The following PCCB variants were observed in gnomAD, a reference collection of about 807,000 sequenced individuals.
PCCB encodes propionyl-CoA carboxylase subunit beta, also known as propionyl-CoA carboxylase beta chain, mitochondrial.
A neutral mutation model predicts 60.7 loss-of-function variants in PCCB; 43 were observed. The ratio of observed to expected loss-of-function variants is 0.71; its 90% CI spans 0.55 to 0.91. The LOEUF is 0.91. Ranked by LOEUF, PCCB falls within the 40% of genes least tolerant of loss-of-function variation. The pLI, the probability that PCCB is intolerant of heterozygous loss-of-function variation, is 0.00. For missense variants in PCCB, 766 were observed against 702.8 expected (o/e 1.09, Z -1.02); for synonymous variants, 276 against 255.9 (o/e 1.08, Z -0.75).
chr3:136,287,466 C>CT (rs1414224051), intron 6 of PCCB, among the ~76,000 whole-genome samples: 1 of 151,464 alleles, frequency 6.6e-6, no homozygotes, highest in Non-Finnish European at 1.5e-5. Flanking sequence ...GAGTTTTGCT[C>CT]TGTCACCCAG....
At chr3:136,253,701 T>C (rs1941590806) in intron 1 of PCCB, among the ~76,000 whole-genome samples, 1 of 150,314 alleles carries the variant, frequency 6.7e-6, no homozygotes, top group African/African-American at 2.5e-5. Flanking sequence ...GACAGGGTCT[T>C]ACTCTGTCAC....
At chr3:136,280,296 A>G (rs865923118) in intron 5 of PCCB, among the ~76,000 whole-genome samples, 25 of 152,220 alleles carry the variant, frequency 1.6e-4, no homozygotes, top group Admixed American at 3.9e-4. Context: ...TTCTTGAAGG[A>G]TAGTTTTGCT....
At chr3:136,298,107 G>T (rs1934019745) in intron 8 of PCCB, 35 bp downstream of exon 8, 1 of 1,613,554 alleles carries the variant, frequency 6.2e-7, no homozygotes, top group Non-Finnish European at 8.5e-7. Flanking sequence ...CTCTCATTTT[G>T]CAGTGTAGCT....
At chr3:136,320,361 T>C (rs180987496) in intron 10 of PCCB, among the ~76,000 whole-genome samples, 78 of 152,346 alleles carry the variant, frequency 5.1e-4, no homozygotes, top group African/African-American at 1.8e-3. Context: ...TCTTTTTTTA[T>C]TTCTTTCAGC....
intron 9 of PCCB, among the ~76,000 whole-genome samples, chr3:136,302,092 C>CCT (rs1426351071): frequency 2.0e-5 from 3 of 152,198 alleles, no homozygotes; most frequent in African/African-American, 7.2e-5. Flanking sequence ...TCTCTTTGCA[C>CCT]CTCTGTGATC....
chr3:136,268,094 A>ATATATATATCTATATG (rs1942071147), intron 5 of PCCB, among the ~76,000 whole-genome samples: 2 of 64,324 alleles, frequency 3.1e-5, no homozygotes, highest in Non-Finnish European at 6.1e-5. Flanking sequence ...GTAGATATAT[A>ATATATATATCTATATG]TATATATATA....
At chr3:136,258,831 G>A (rs1456180133) in intron 3 of PCCB, among the ~76,000 whole-genome samples, 1 of 152,102 alleles carries the variant, frequency 6.6e-6, no homozygotes, top group Non-Finnish European at 1.5e-5. Context: ...GTTAGTCTCT[G>A]TTTTCAGCCT....
At chr3:136,256,142 C>T (rs1252875165) in intron 2 of PCCB, 167 bp downstream of exon 2, 2 of 981,760 alleles carry the variant, frequency 2.0e-6, no homozygotes, top group Admixed American at 2.3e-5. Context: ...GGGCTTTCGC[C>T]ATGTTGGTCA....
At chr3:136,266,681 C>A (rs1296846649) in intron 5 of PCCB, among the ~76,000 whole-genome samples, 1 of 152,154 alleles carries the variant, frequency 6.6e-6, no homozygotes, top group Non-Finnish European at 1.5e-5. Flanking sequence ...TGTTGAGCAT[C>A]TTTATGTACA....
chr3:136,290,496 A>C (rs1228743965), intron 6 of PCCB, among the ~76,000 whole-genome samples: 1 of 151,732 alleles, frequency 6.6e-6, no homozygotes, highest in Non-Finnish European at 1.5e-5. Context: ...ATAATGTCCT[A>C]AGTGTAGTTT....
chr3:136,309,680 G>A (rs1934586085), intron 9 of PCCB, among the ~76,000 whole-genome samples: 1 of 151,932 alleles, frequency 6.6e-6, no homozygotes, highest in African/African-American at 2.4e-5. Context: ...TGCACCTATA[G>A]TCCCAGCTAC....
intron 6 of PCCB, among the ~76,000 whole-genome samples, chr3:136,289,120 G>C (rs1933560272): frequency 6.6e-6 from 1 of 152,172 alleles, no homozygotes; most frequent in Non-Finnish European, 1.5e-5. Context: ...GGGCCCTTGA[G>C]TTGCTGGGAT....
At chr3:136,269,339 C>G (rs1400955793) in intron 5 of PCCB, among the ~76,000 whole-genome samples, 1 of 152,136 alleles carries the variant, frequency 6.6e-6, no homozygotes, top group Non-Finnish European at 1.5e-5. Flanking sequence ...GGATTCTTTG[C>G]AAATGTATAG....
At chr3:136,254,307 C>T (rs1006861624) in intron 1 of PCCB, among the ~76,000 whole-genome samples, 1 of 151,752 alleles carries the variant, frequency 6.6e-6, no homozygotes, top group African/African-American at 2.4e-5. Flanking sequence ...CAACCCCTGC[C>T]CCCTGGGTTC....
At chr3:136,285,885 T>C (rs1933380227) in intron 6 of PCCB, among the ~76,000 whole-genome samples, 1 of 152,260 alleles carries the variant, frequency 6.6e-6, no homozygotes. Flanking sequence ...GCTGTCACCA[T>C]TCTACATCTT....
intron 4 of PCCB, 25 bp downstream of exon 4, chr3:136,260,560 A>G (rs1261108619): frequency 1.3e-6 from 2 of 1,582,440 alleles, no homozygotes; most frequent in Non-Finnish European, 8.7e-7. Flanking sequence ...CTCAAATTCA[A>G]TCCATTGCTT....
At chr3:136,270,695 A>G (rs113875990) in intron 5 of PCCB, among the ~76,000 whole-genome samples, 1,780 of 152,266 alleles carry the variant, frequency 0.012, 23 homozygotes, top group African/African-American at 0.041. Flanking sequence ...TAGTAGAGAC[A>G]GGGTTTCACC....
chr3:136,255,652 G>A, intron 1 of PCCB: 1 of 600,868 alleles, frequency 1.7e-6, no homozygotes, highest in South Asian at 1.9e-5. Flanking sequence ...GGTGGCTTCT[G>A]GCGCACACTG....
intron 10 of PCCB, among the ~76,000 whole-genome samples, chr3:136,321,862 A>G (rs568338003): frequency 1.3e-5 from 2 of 152,352 alleles, no homozygotes; most frequent in Admixed American, 6.5e-5. Flanking sequence ...CTATATTATT[A>G]GTTCCAGCAG....
Sources: gnomAD v4.1 joint callset for allele counts (sites outside exome capture counted in the v4.1 genomes callset) on GRCh38, gnomAD v4.1.1 for gene constraint, MANE v1.5 for transcripts, NCBI Gene and HGNC (gene_info 2026-07-23, HGNC 2026-07-21) for gene names.